Variants in CSTB observed in about 807,000 individuals in gnomAD.
CSTB encodes the protein cystatin B, also known as cystatin-B.
CSTB carries 8 observed loss-of-function variants against 7.6 expected under a neutral mutation model. The observed-to-expected ratio is 1.05, with a 90% confidence interval of 0.62 to 1.89. The LOEUF (loss-of-function observed/expected upper bound fraction) is 1.89. Ranked by LOEUF, CSTB falls within the 40% of genes most tolerant of loss-of-function variation. CSTB has a pLI of 0.00. For synonymous variants in CSTB, 56 were observed against 55.3 expected (o/e 1.01, Z -0.06); for missense variants, 124 against 126.4 (o/e 0.98, Z 0.09).
chr21:43,776,227 C>A lies in CSTB; in HGVS notation c.43G>T (p.Glu15Ter), dbSNP rs11553836. 2 of 1,531,538 alleles carry A rather than the reference C, an allele frequency of 1.3e-6. No homozygotes were observed. The highest frequency in any genetic ancestry group is 2.4e-5 in the South Asian group (2 of 82,806). 94.9% of individuals were successfully genotyped at this position (1,531,538 alleles called of 1,614,324 possible). ...ACCTGGTCGGCGATGTGCTGGGTCTCGGCGGTGGCCGGCTGCGTGGCGGAG... is the reference window on the plus strand; with the variant it reads ...ACCTGGTCGGCGATGTGCTGGGTCTAGGCGGTGGCCGGCTGCGTGGCGGAG... ...APSATQPATA[E>*]TQHIADQVRS... Residue 15 changes from glutamate to a stop codon, truncating the protein, a stop_gained, in exon 1 of 3, where the codon GAG (glutamate) becomes TAG (stop). Transcript: ENST00000291568. LOFTEE classifies it high-confidence loss of function.
chr21:43,776,053 C>G (rs1010743599), intron 1 of CSTB, 151 bp downstream of exon 1: 6 of 629,960 alleles, frequency 9.5e-6, no homozygotes, highest in Non-Finnish European at 1.2e-5. Flanking sequence ...GCGCAGCGCC[C>G]GAGCGGAGGG....
rs1028085696 is a variant in CSTB, at chr21:43,774,099, A to G, written c.*103T>C. ...CTGCCCCTTCCACCCCAAGGGGCAC[A>G]GCCCGGAGATGAAGCTTATTTTAGG... On this transcript the variant is annotated 3_prime_UTR_variant, in exon 3 of 3. Coordinates refer to ENST00000291568, the MANE Select transcript of CSTB (RefSeq NM_000100.4). 4.6e-6 allele frequency: 7 copies of G among 1,515,938 alleles called. No homozygotes were observed. The highest frequency in any genetic ancestry group is 6.4e-6 in the Non-Finnish European group (7 of 1,093,084). 93.9% of individuals were successfully genotyped at this position (1,515,938 alleles called of 1,614,324 possible).
rs778785343 is a variant in CSTB at position 43,776,244 on chromosome 21, G to C, written c.26C>G (p.Thr9Arg). 6.5e-7 allele frequency: 1 copy of C among 1,528,904 alleles called. No homozygotes were observed. Among genetic ancestry groups the C allele is most frequent in the Non-Finnish European group, 8.8e-7 (1 of 1,140,768 alleles). 94.7% of individuals were successfully genotyped at this position (1,528,904 alleles called of 1,614,324 possible). A position where few individuals can be genotyped will look rare whatever the true frequency, so the allele number is the denominator to read the frequency against. ...CTGGGTCTCGGCGGTGGCCGGCTGC[G>C]TGGCGGAGGGCGCCCCGCACATCAT... MMCGAPSA[T>R]QPATAETQHI... Residue 9 changes from threonine (T) to arginine (R), a missense_variant, in exon 1 of 3, where the codon ACG (threonine) becomes AGG (arginine). Coordinates refer to ENST00000291568, the MANE Select transcript of CSTB (RefSeq NM_000100.4).
intron 1 of CSTB, chr21:43,775,615 G>A (rs1490841374): frequency 1.3e-5 from 2 of 152,392 alleles, no homozygotes; most frequent in South Asian, 4.1e-4. Context: ...TATCACTGGG[G>A]ACCTCTTGCA....
chr21:43,774,928 A>G, intron 1 of CSTB, 169 bp from the exon 2 acceptor site: 1 of 682,708 alleles, frequency 1.5e-6, no homozygotes, highest in South Asian at 1.6e-5. Context: ...AATAAAGTAG[A>G]AAAAAACAGT....
intron 1 of CSTB, 61 bp from the exon 2 acceptor site, chr21:43,774,820 G>C (rs1233887736): frequency 8.0e-7 from 1 of 1,247,604 alleles, no homozygotes; most frequent in Non-Finnish European, 1.2e-6. Flanking sequence ...TCCTGCTAGA[G>C]TAACTTGCAC....
chr21:43,775,199 G>A, intron 1 of CSTB: 1 of 283,774 alleles, frequency 3.5e-6, no homozygotes, highest in East Asian at 9.4e-5. Flanking sequence ...CTCCACCCTG[G>A]GCAAGAGTGA....
In CSTB at chr21:43,774,110, G is replaced by A. The variant is rs2083998240; in HGVS notation, c.*92C>T. 2 of 1,567,234 alleles carry A rather than the reference G, an allele frequency of 1.3e-6. No individual in the cohort carries two copies. The highest frequency in any genetic ancestry group is 1.8e-6 in the Non-Finnish European group (2 of 1,138,290). ...ACCCCAAGGGGCACAGCCCGGAGAT[G>A]AAGCTTATTTTAGGATCACAAGTGC... On this transcript the variant is annotated 3_prime_UTR_variant, in exon 3 of 3. Transcript: ENST00000291568.
rs893773239 is a variant in CSTB at position 43,776,028 on chromosome 21, C to G, written c.66+176G>C. 9.5e-6 allele frequency: 5 copies of G among 527,180 alleles called. No individual in the cohort carries two copies. The Admixed American group carries it at 1.7e-4, about 18-fold the overall frequency. 32.7% of individuals were successfully genotyped at this position (527,180 alleles called of 1,614,324 possible). ...CCAGCGGCGCCCCAGGCGCGGCCCC[C>G]CGCTGCTCACTCGCGCGCAGCGCCC... On this transcript the variant is annotated intron_variant, in intron 1 of 2. Transcript: ENST00000291568.
rs963350096 is a variant in CSTB at position 43,776,135 on chromosome 21, A to T, written c.66+69T>A. On this transcript the variant is annotated intron_variant, in intron 1 of 2. Coordinates refer to ENST00000291568, the MANE Select transcript of CSTB (RefSeq NM_000100.4). Reference sequence around the variant, plus strand: ...GGGCCAAAGCGGCTTCTTTCGCTCCAGGAGCCGCGGCCGCGCCCTGAGGCT... The same window carrying T: ...GGGCCAAAGCGGCTTCTTTCGCTCCTGGAGCCGCGGCCGCGCCCTGAGGCT... 26 of 1,413,594 alleles carry T rather than the reference A, an allele frequency of 1.8e-5. No individual in the cohort carries two copies. The African/African-American group carries it at 3.3e-4, about 18-fold the overall frequency. 87.6% of individuals were successfully genotyped at this position (1,413,594 alleles called of 1,614,324 possible).
In CSTB at chr21:43,774,286, T is replaced by C. The variant is rs758639236; in HGVS notation, c.213A>G (p.Gln71=). Residue 71 remains glutamine, a synonymous_variant, in exon 3 of 3, where the codon CAA becomes CAG. Transcript: ENST00000291568. ...DEDFVHLRVF[Q]SLPHENKPLT... is the part of the protein sequence containing the mutation. ...AGGGCTTGTTTTCATGAGGGAGAGA[T>C]TGGAACACTCGCAGGTGTACGAAGT... 21 of 1,613,884 alleles carry C rather than the reference T, an allele frequency of 1.3e-5. No homozygotes were observed. Among genetic ancestry groups the C allele is most frequent in the South Asian group, 9.9e-5 (9 of 91,074 alleles).
intron 1 of CSTB, chr21:43,775,029 G>C (rs953864760): frequency 8.1e-6 from 4 of 495,734 alleles, no homozygotes; most frequent in African/African-American, 3.9e-5. Context: ...TTTGAGACCA[G>C]CCTAGCCAAA....
At chr21:43,775,226 CAAA>C in intron 1 of CSTB, 1 of 224,136 alleles carries the variant, frequency 4.5e-6, no homozygotes, top group Non-Finnish European at 9.2e-6. Context: ...GTCTCAAAAA[CAAA>C]AAAAAAAAAC....
rs773820884 is a variant in CSTB at position 43,774,307 on chromosome 21, G to A, written c.192C>T (p.Phe64=). The A allele has an allele frequency of 3.3e-5, 53 of 1,614,062 alleles. No homozygotes were observed. The highest frequency in any genetic ancestry group is 1.6e-4 in the Middle Eastern group (1 of 6,082). The change falls in exon 3 of 3, where the codon TTC becomes TTT. Residue 64 remains phenylalanine (F), a synonymous_variant. Transcript: ENST00000291568. ...GAGATTGGAACACTCGCAGGTGTACGAAGTCCTCGTCGCCGACGTGCACCT... is the reference window on the plus strand; with the variant it reads ...GAGATTGGAACACTCGCAGGTGTACAAAGTCCTCGTCGCCGACGTGCACCT... ...FIKVHVGDED[F]VHLRVFQSLP...
At chr21:43,775,907 T>A (rs2084007602) in intron 1 of CSTB, 1 of 346,396 alleles carries the variant, frequency 2.9e-6, no homozygotes, top group Admixed American at 4.9e-5. Context: ...ATCCCTGGGG[T>A]TTCCTCTCAG....
chr21:43,774,627 G>A (rs202139907), intron 2 of CSTB, 31 bp downstream of exon 2: 31 of 1,580,126 alleles, frequency 2.0e-5, no homozygotes, highest in South Asian at 4.4e-5. Context: ...GCACCCGTTC[G>A]GGGCAGGCCC....
intron 1 of CSTB, chr21:43,775,141 T>C (rs912974425): frequency 8.8e-6 from 3 of 339,060 alleles, no homozygotes; most frequent in African/African-American, 6.4e-5. Context: ...GAGAATCCCT[T>C]GAACCTGGGA....
intron 1 of CSTB, chr21:43,775,370 G>C (rs2084005289): frequency 6.3e-6 from 1 of 157,568 alleles, no homozygotes; most frequent in Non-Finnish European, 1.4e-5. Flanking sequence ...GCTCATTTCA[G>C]CCCCTCCAGA....
intron 1 of CSTB, 170 bp downstream of exon 1, chr21:43,776,034 C>T (rs6372): frequency 1.3e-5 from 7 of 544,180 alleles, no homozygotes; most frequent in Admixed American, 8.7e-5. Flanking sequence ...CCCCCCGCTG[C>T]TCACTCGCGC....
Sources: allele counts gnomAD v4.1 joint callset, GRCh38; gene constraint gnomAD v4.1.1; transcripts MANE v1.5; gene names NCBI Gene and HGNC (gene_info 2026-07-23, HGNC 2026-07-21).